TMEM131: variants seen among roughly 807,000 people sequenced by gnomAD.
The protein encoded by TMEM131 is 2610524E03Rik.
Under a neutral mutation model 211.6 loss-of-function variants are expected in TMEM131, and 66 were observed. The observed-to-expected ratio is 0.31, with a 90% CI of 0.26 to 0.38. TMEM131 has a LOEUF of 0.38. Among genes scored for constraint, TMEM131 ranks in the 10% least tolerant of loss-of-function variants. The pLI, the probability that TMEM131 is intolerant of heterozygous loss-of-function variation, is 1.00. For synonymous variants in TMEM131, 844 were observed against 841.3 expected, an observed-to-expected ratio of 1.00 and a Z score of -0.06; for missense variants, 2,036 against 2,299.3, an observed-to-expected ratio of 0.89 and a Z score of 2.34.
chr2:97,759,118 G>T, intron 39 of TMEM131, 65 bp from the exon 40 acceptor site: 2 of 1,592,280 alleles, frequency 1.3e-6, no homozygotes, highest in Non-Finnish European at 1.7e-6. Flanking sequence ...TAGCATATGG[G>T]GCTTCACTCA....
intron 31 of TMEM131, among the ~76,000 whole-genome samples, chr2:97,782,098 T>A (rs1019347541): frequency 2.0e-5 from 3 of 152,256 alleles, no homozygotes; most frequent in Non-Finnish European, 2.9e-5. Context: ...ACGCCCTTCC[T>A]GGCCAGGCAC....
intron 1 of TMEM131, among the ~76,000 whole-genome samples, chr2:97,951,955 A>G (rs542938941): frequency 6.6e-5 from 10 of 152,182 alleles, no homozygotes; most frequent in East Asian, 3.9e-4. Context: ...TCAGGAGTTC[A>G]AGACCAGCCT....
chr2:97,814,802 T>C (rs1445072237), intron 13 of TMEM131, among the ~76,000 whole-genome samples: 1 of 152,204 alleles, frequency 6.6e-6, no homozygotes. Flanking sequence ...GTTGTAATTC[T>C]AGAAGTGTTT....
At chr2:97,963,988 C>T (rs1280950165) in intron 1 of TMEM131, among the ~76,000 whole-genome samples, 1 of 152,166 alleles carries the variant, frequency 6.6e-6, no homozygotes. Flanking sequence ...CCAGTTCTAA[C>T]AGGCTTACAT....
intron 25 of TMEM131, among the ~76,000 whole-genome samples, chr2:97,800,629 G>C (rs1360224589): frequency 6.6e-6 from 1 of 150,674 alleles, no homozygotes; most frequent in Admixed American, 6.6e-5. Flanking sequence ...GTGGTGGCAC[G>C]TGCCTGTAAT....
chr2:97,767,231 G>A (rs1004506423), intron 33 of TMEM131, among the ~76,000 whole-genome samples: 3 of 152,102 alleles, frequency 2.0e-5, no homozygotes, highest in East Asian at 1.9e-4. Context: ...TTAGAGTGAC[G>A]CTTTCTGAAA....
chr2:97,927,603 G>A, intron 1 of TMEM131, 116 bp from the exon 2 acceptor site: 2 of 729,064 alleles, frequency 2.7e-6, no homozygotes, highest in Non-Finnish European at 4.0e-6. Flanking sequence ...ACTGCTTAAT[G>A]GTGATGGTTG....
intron 19 of TMEM131, among the ~76,000 whole-genome samples, chr2:97,807,450 C>A (rs1351054455): frequency 6.6e-6 from 1 of 152,214 alleles, no homozygotes; most frequent in African/African-American, 2.4e-5. Flanking sequence ...TCCCTCTCTT[C>A]TCTCTTGCCA....
At chr2:97,792,239 A>C in intron 31 of TMEM131, 147 bp downstream of exon 31, 1 of 594,346 alleles carries the variant, frequency 1.7e-6, no homozygotes. Context: ...TTTATGGAAA[A>C]GTTGAAGTCC....
At chr2:97,777,431 C>T (rs1470483) in intron 31 of TMEM131, among the ~76,000 whole-genome samples, 41,664 of 152,228 alleles carry the variant, frequency 0.27, 7,850 homozygotes, top group Non-Finnish European at 0.39. Context: ...ATCTGGCCTG[C>T]AGTCTGTTTT....
chr2:97,817,425 T>C (rs951235296), intron 12 of TMEM131, among the ~76,000 whole-genome samples: 3 of 152,140 alleles, frequency 2.0e-5, no homozygotes, highest in Admixed American at 2.0e-4. Flanking sequence ...CTGTCTCTAC[T>C]AAAAATACAA....
At chr2:97,890,671 A>T (rs911346429) in intron 3 of TMEM131, among the ~76,000 whole-genome samples, 1 of 152,212 alleles carries the variant, frequency 6.6e-6, no homozygotes, top group African/African-American at 2.4e-5. Context: ...TAATTCCAAC[A>T]GTCTGTCTAG....
intron 2 of TMEM131, among the ~76,000 whole-genome samples, chr2:97,926,509 C>T (rs2104440559): frequency 6.6e-6 from 1 of 152,312 alleles, no homozygotes; most frequent in African/African-American, 2.4e-5. Context: ...CCATATACTA[C>T]ATTATATAGC....
chr2:97,881,747 T>G (rs1674944398), intron 4 of TMEM131, among the ~76,000 whole-genome samples: 2 of 138,118 alleles, frequency 1.4e-5, no homozygotes, highest in Admixed American at 7.2e-5. Flanking sequence ...GGGAGGTAGA[T>G]GTTGAATAGG....
intron 2 of TMEM131, among the ~76,000 whole-genome samples, chr2:97,920,651 G>C (rs1454569317): frequency 6.6e-6 from 1 of 152,068 alleles, no homozygotes; most frequent in Non-Finnish European, 1.5e-5. Context: ...ATGTTGAGTC[G>C]TATGAAATTG....
intron 31 of TMEM131, among the ~76,000 whole-genome samples, chr2:97,778,836 G>C (rs1365087060): frequency 6.6e-6 from 1 of 152,002 alleles, no homozygotes; most frequent in Non-Finnish European, 1.5e-5. Context: ...CTCTATCTTT[G>C]CTGGTATTCC....
intron 1 of TMEM131, among the ~76,000 whole-genome samples, chr2:97,993,694 C>A (rs186177451): frequency 2.0e-5 from 3 of 152,300 alleles, no homozygotes; most frequent in African/African-American, 7.2e-5. Flanking sequence ...ATACTTAACA[C>A]CCTGGCAAGT....
At chr2:97,856,393 T>C (rs1673848310) in intron 5 of TMEM131, among the ~76,000 whole-genome samples, 1 of 152,234 alleles carries the variant, frequency 6.6e-6, no homozygotes, top group East Asian at 1.9e-4. Context: ...CTATTCTTTT[T>C]GATTTTCAGG....
Position 97,805,155 on chromosome 2 carries a change from C to A in TMEM131, c.2335G>T (p.Ala779Ser). Residue 779 changes from alanine (A) to serine (S), a missense_variant, in exon 22 of 41, where the codon GCT (alanine) becomes TCT (serine). Ala to Ser is a moderately conservative substitution (Grantham distance 99). This residue lies in a region of TMEM131 where 1,623 missense variants were observed against 1,805.9 expected (regional missense o/e 0.90). Transcript: ENST00000186436. The stretch of plus-strand genomic sequence containing the variant: ...AGGCTTTGATGCAAATCCCAGTCAG[C>A]ATCCCACATATCTTCCTGCATGGCT... ...GVAMQEDMWD[A>S]DWDLHQSLFK... 6.2e-7 allele frequency: 1 copy of A among 1,613,898 alleles called. No individual in the cohort carries two copies.
Sources: allele counts gnomAD v4.1 joint callset (sites outside exome capture counted in the v4.1 genomes callset), GRCh38; gene constraint gnomAD v4.1.1; regional missense constraint gnomAD v4.1.1; transcripts MANE v1.5; gene names NCBI Gene and HGNC (gene_info 2026-07-23, HGNC 2026-07-21).